The following PTPRO variants were observed in gnomAD, a reference collection of about 807,000 sequenced individuals.
The protein encoded by PTPRO is protein tyrosine phosphatase receptor type O, also known as receptor-type tyrosine-protein phosphatase O.
Under a neutral mutation model 145.2 loss-of-function variants are expected in PTPRO, and 62 were observed. That is an observed-to-expected ratio of 0.43 (90% confidence interval 0.35 to 0.53). The LOEUF is 0.53. Among genes scored for constraint, PTPRO ranks in the 20% least tolerant of loss-of-function variants. The pLI is 0.01. For synonymous variants in PTPRO, 565 were observed against 514.7 expected (o/e 1.10, Z -1.32); for missense variants, 1,345 against 1,482.7 (o/e 0.91, Z 1.53).
chr12:15,541,781 G>T (rs1289674228), intron 12 of PTPRO, among the ~76,000 whole-genome samples: 1 of 152,196 alleles, frequency 6.6e-6, no homozygotes, highest in Non-Finnish European at 1.5e-5. Flanking sequence ...GGTGGCTGAG[G>T]TGGGTGGATC....
At chr12:15,343,716 CA>C (rs546481139) in intron 1 of PTPRO, among the ~76,000 whole-genome samples, 96 of 152,236 alleles carry the variant, frequency 6.3e-4, no homozygotes, top group African/African-American at 1.6e-3. Flanking sequence ...TTTTTTGAGA[CA>C]GAGTCTGGAG....
intron 1 of PTPRO, among the ~76,000 whole-genome samples, chr12:15,328,570 A>C (rs894500859): frequency 3.3e-5 from 5 of 152,166 alleles, no homozygotes; most frequent in African/African-American, 1.2e-4. Context: ...AGAAACAGAG[A>C]ATCAGAAATG....
In PTPRO at chr12:15,511,003, C is replaced by CAA. The variant is rs10648692; in HGVS notation, c.1464+2254_1464+2255dup. Reference sequence around the variant, plus strand: ...GTAACATAGTGAAACTCTGTCTCCACAAAAAAAAAAAAAAAAAAATTGCCT... The same window carrying CAA: ...GTAACATAGTGAAACTCTGTCTCCACAAAAAAAAAAAAAAAAAAAAATTGCCT... On this transcript the variant is annotated intron_variant, in intron 7 of 26. Transcript: ENST00000281171. Among the ~76,000 whole-genome samples, 760 of 105,646 alleles carry CAA rather than the reference C, an allele frequency of 7.2e-3. 20 individuals carry two copies. The highest frequency in any genetic ancestry group is 0.023 in the African/African-American group (692 of 29,648). 69.3% of individuals were successfully genotyped at this position (105,646 alleles called of 152,430 possible).
chr12:15,557,333 C>T (rs973790358), intron 15 of PTPRO, 122 bp from the exon 16 acceptor site: 1 of 961,072 alleles, frequency 1.0e-6, no homozygotes, highest in African/African-American at 1.6e-5. Context: ...CCTGGCCTAG[C>T]TTCTTCTTTT....
intron 1 of PTPRO, among the ~76,000 whole-genome samples, chr12:15,389,517 A>G (rs1253312856): frequency 6.6e-6 from 1 of 152,172 alleles, no homozygotes; most frequent in Non-Finnish European, 1.5e-5. Context: ...CTTTGTATTC[A>G]GGGGGCTCAG....
At chr12:15,433,178 T>A (rs1940495946) in intron 1 of PTPRO, among the ~76,000 whole-genome samples, 1 of 148,536 alleles carries the variant, frequency 6.7e-6, no homozygotes, top group African/African-American at 2.5e-5. Flanking sequence ...GGGCTTTTTT[T>A]TTTTTTTTTT....
Position 15,557,605 on chromosome 12 carries a change from G to T in PTPRO, c.2627+82G>T, listed in dbSNP as rs375173835. ...AAAGTCGATTTTACTATCCTTTGGGGATAGTTTTGTCTGATTATCCTTTTG... is the reference window on the plus strand; with the variant it reads ...AAAGTCGATTTTACTATCCTTTGGGTATAGTTTTGTCTGATTATCCTTTTG... On this transcript the variant is annotated intron_variant, in intron 16 of 26. Coordinates refer to ENST00000281171, the MANE Select transcript of PTPRO (RefSeq NM_030667.3). 9 of 1,276,526 alleles carry T rather than the reference G, an allele frequency of 7.1e-6. No homozygotes were observed. The African/African-American group carries it at 1.0e-4, about 15-fold the overall frequency. 79.1% of individuals were successfully genotyped at this position (1,276,526 alleles called of 1,614,324 possible).
intron 4 of PTPRO, among the ~76,000 whole-genome samples, chr12:15,500,162 C>A (rs1432989815): frequency 6.6e-6 from 1 of 151,658 alleles, no homozygotes; most frequent in African/African-American, 2.4e-5. Flanking sequence ...CTACTAAGTA[C>A]CCATCACCAA....
intron 1 of PTPRO, among the ~76,000 whole-genome samples, chr12:15,452,141 A>G (rs1431581138): frequency 2.0e-5 from 3 of 152,182 alleles, no homozygotes; most frequent in Non-Finnish European, 4.4e-5. Context: ...AATAAGCTCA[A>G]TTAGAAACGA....
intron 1 of PTPRO, among the ~76,000 whole-genome samples, chr12:15,425,418 C>A (rs981262092): frequency 2.0e-5 from 3 of 152,088 alleles, no homozygotes; most frequent in African/African-American, 7.2e-5. Flanking sequence ...AGGTGTGAGG[C>A]CAGGGAATGC....
At chr12:15,455,481 C>T (rs529436872) in intron 1 of PTPRO, among the ~76,000 whole-genome samples, 1 of 152,252 alleles carries the variant, frequency 6.6e-6, no homozygotes, top group African/African-American at 2.4e-5. Flanking sequence ...GGTCCATGGT[C>T]CATGTACACA....
At position 15,595,089 on chromosome 12, in the gene PTPRO, A is replaced by T. The variant is rs367640201; in HGVS notation, c.*16+32A>T. On this transcript the variant is annotated intron_variant, in intron 26 of 26. Coordinates refer to ENST00000281171, the MANE Select transcript of PTPRO (RefSeq NM_030667.3). ...GGAGAAGAGCTCTCCACGAGTGCTC[A>T]GTCTTAGAACTATTAGAGGGGGATG... 3 of 1,379,310 alleles carry T rather than the reference A, an allele frequency of 2.2e-6. No individual in the cohort carries two copies. The African/African-American group carries it at 4.3e-5, about 20-fold the overall frequency. The allele number at this position is 1,379,310 out of a possible 1,614,324, so 85.4% of individuals were successfully genotyped here.
chr12:15,382,884 G>A (rs772212912), intron 1 of PTPRO, among the ~76,000 whole-genome samples: 21 of 152,120 alleles, frequency 1.4e-4, no homozygotes, highest in Non-Finnish European at 2.6e-4. Flanking sequence ...GTTATGGTTT[G>A]ATACACATAT....
At chr12:15,390,757 GGTAAGAGATGGTCTGA>G (rs113706245) in intron 1 of PTPRO, among the ~76,000 whole-genome samples, 28,197 of 152,038 alleles carry the variant, frequency 0.19, 2,687 homozygotes, top group South Asian at 0.22. Context: ...GCAGTGGCTG[GGTAAGAGATGGTCTGA>G]GAGGATAAGA....
intron 1 of PTPRO, among the ~76,000 whole-genome samples, chr12:15,363,953 A>G (rs951851689): frequency 7.9e-5 from 12 of 152,204 alleles, no homozygotes; most frequent in Non-Finnish European, 1.8e-4. Context: ...AAATTAGCAT[A>G]TATACCACAC....
At chr12:15,448,972 C>T (rs1280297088) in intron 1 of PTPRO, among the ~76,000 whole-genome samples, 2 of 149,218 alleles carry the variant, frequency 1.3e-5, no homozygotes, top group African/African-American at 2.4e-5. Flanking sequence ...AAGGTGAATA[C>T]ATATAGAATA....
rs552141032 is a variant in PTPRO, at chr12:15,552,222, T to C, written c.2558+551T>C. Among the ~76,000 whole-genome samples the C allele has an allele frequency of 2.6e-5, 4 of 152,338 alleles. No homozygotes were observed. The South Asian group carries it at 8.3e-4, about 32-fold the overall frequency. On this transcript the variant is annotated intron_variant, in intron 15 of 26. Coordinates refer to ENST00000281171, the MANE Select transcript of PTPRO (RefSeq NM_030667.3). ...AATTAGAAAAGCCTTTGATTTATGA[T>C]TTCAGCTCTTCCCTGTTCCTTTGAC...
intron 1 of PTPRO, among the ~76,000 whole-genome samples, chr12:15,478,477 T>C (rs1941706265): frequency 6.6e-6 from 1 of 152,196 alleles, no homozygotes; most frequent in South Asian, 2.1e-4. Context: ...TCCCAATTTA[T>C]GTTATACAGG....
intron 1 of PTPRO, among the ~76,000 whole-genome samples, chr12:15,397,445 A>G (rs1939372593): frequency 6.6e-6 from 1 of 152,144 alleles, no homozygotes; most frequent in African/African-American, 2.4e-5. Context: ...CCTACTTTGG[A>G]CTGACAGAGA....
Sources: allele counts gnomAD v4.1 joint callset (sites outside exome capture counted in the v4.1 genomes callset), GRCh38; gene constraint gnomAD v4.1.1; transcripts MANE v1.5; gene names NCBI Gene and HGNC (gene_info 2026-07-23, HGNC 2026-07-21).